Variants in CA10 observed in about 807,000 individuals in gnomAD.
The protein encoded by CA10 is carbonic anhydrase 10 (inactive).
A neutral mutation model predicts 44.2 loss-of-function variants in CA10; 14 were observed. That is an observed-to-expected ratio of 0.32 (90% CI 0.21 to 0.50). The LOEUF (loss-of-function observed/expected upper bound fraction) is 0.50. Ranked by LOEUF, CA10 falls within the 20% of genes least tolerant of loss-of-function variation. The pLI, the probability that CA10 is intolerant of heterozygous loss-of-function variation, is 0.99. For synonymous variants in CA10, 159 were observed against 141.6 expected (o/e 1.12, Z -0.87); for missense variants, 350 against 409.7 (o/e 0.85, Z 1.26).
chr17:51,857,483 A>G lies in CA10; in HGVS notation c.279+73507T>C, dbSNP rs145614669. ...AGTACTGTCATTAGCATAGCTCCTC[A>G]AGGTTACTCTTAGGAATCCTAAGCA... On this transcript the variant is annotated intron_variant, in intron 3 of 8. Coordinates refer to ENST00000451037, the MANE Select transcript of CA10 (RefSeq NM_020178.5). Among the ~76,000 whole-genome samples the G allele has an allele frequency of 2.7e-3, 411 of 152,280 alleles. 1 individual carries two copies. Among genetic ancestry groups the G allele is most frequent in the African/African-American group, 9.1e-3 (380 of 41,566 alleles).
intron 4 of CA10, among the ~76,000 whole-genome samples, chr17:51,718,351 A>T (rs1166138453): frequency 6.6e-6 from 1 of 152,184 alleles, no homozygotes; most frequent in Non-Finnish European, 1.5e-5. Flanking sequence ...GGAAGAAGAG[A>T]GAGGCCGAAG....
chr17:52,052,302 A>ATTTTT (rs1567716539), intron 2 of CA10, among the ~76,000 whole-genome samples: 1 of 74,938 alleles, frequency 1.3e-5, no homozygotes, highest in South Asian at 3.0e-4. Flanking sequence ...TTTTTTTTAA[A>ATTTTT]AAAAAAAAAA....
At position 52,042,669 on chromosome 17, in the gene CA10, T is replaced by A. The variant is rs1357452428; in HGVS notation, c.136+29650A>T. On this transcript the variant is annotated intron_variant, in intron 2 of 8. Transcript: ENST00000451037. ...TTTGATGTCATATTAAAAAAATCTT[T>A]GGCAAGACCAATATCAAGGAGCTTT... Among the ~76,000 whole-genome samples the A allele has an allele frequency of 1.3e-5, 2 of 152,008 alleles. 1 individual carries two copies. The highest frequency in any genetic ancestry group is 3.9e-4 in the East Asian group (2 of 5,138).
chr17:51,690,214 C>G (rs2143420827), intron 4 of CA10, among the ~76,000 whole-genome samples: 1 of 152,362 alleles, frequency 6.6e-6, no homozygotes, highest in Non-Finnish European at 1.5e-5. Flanking sequence ...TCCCAAAGTG[C>G]TGGGATTACA....
At chr17:51,980,137 A>AC (rs1984602836) in intron 2 of CA10, among the ~76,000 whole-genome samples, 1 of 151,968 alleles carries the variant, frequency 6.6e-6, no homozygotes, top group Non-Finnish European at 1.5e-5. Context: ...ACTAATTTAC[A>AC]CCCCCACCAA....
In CA10 at chr17:51,831,701, A is replaced by AGCGGCG. The variant is rs1567854601; in HGVS notation, c.280-83884_280-83883insCGCCGC. Reference sequence around the variant, plus strand: ...CAGCAGCAGCAGCAGCAGCAGCAGCAGCAGCAGCAGCAGCAGCAGCAGCAG... The same window carrying AGCGGCG: ...CAGCAGCAGCAGCAGCAGCAGCAGCAGCGGCGGCAGCAGCAGCAGCAGCAGCAGCAG... On this transcript the variant is annotated intron_variant, in intron 3 of 8. Coordinates refer to ENST00000451037, the MANE Select transcript of CA10 (RefSeq NM_020178.5). Among the ~76,000 whole-genome samples, 114 of 84,820 alleles carry AGCGGCG rather than the reference A, an allele frequency of 1.3e-3. 1 individual carries two copies. Among genetic ancestry groups the AGCGGCG allele is most frequent in the Admixed American group, 4.7e-3 (40 of 8,510 alleles). The allele number at this position is 84,820 out of a possible 152,430, so 55.6% of individuals were successfully genotyped here.
At chr17:52,111,782 T>G (rs979190429) in intron 1 of CA10, among the ~76,000 whole-genome samples, 4 of 152,210 alleles carry the variant, frequency 2.6e-5, no homozygotes, top group Admixed American at 6.5e-5. Context: ...CTCCTGGCTC[T>G]ACCTACATCT....
intron 2 of CA10, among the ~76,000 whole-genome samples, chr17:51,977,326 T>A (rs1984497945): frequency 6.6e-6 from 1 of 151,758 alleles, no homozygotes; most frequent in Admixed American, 6.6e-5. Flanking sequence ...ACACATTTTT[T>A]TAAAAAAAGG....
chr17:52,005,967 A>G (rs1358604200), intron 2 of CA10, among the ~76,000 whole-genome samples: 2 of 151,890 alleles, frequency 1.3e-5, no homozygotes, highest in Non-Finnish European at 2.9e-5. Flanking sequence ...GCCTTTATGT[A>G]TAAAAATTTC....
chr17:51,669,891 G>C (rs1914352992), intron 4 of CA10, among the ~76,000 whole-genome samples: 2 of 152,184 alleles, frequency 1.3e-5, no homozygotes, highest in Non-Finnish European at 2.9e-5. Flanking sequence ...ATCTTATCTT[G>C]AATTTTAGCT....
chr17:51,917,687 C>G (rs1310550715), intron 3 of CA10, among the ~76,000 whole-genome samples: 1 of 152,192 alleles, frequency 6.6e-6, no homozygotes, highest in East Asian at 1.9e-4. Context: ...ACAACTGGAC[C>G]TAGTGAGAAC....
chr17:51,924,566 G>C (rs148259151), intron 3 of CA10, among the ~76,000 whole-genome samples: 3 of 152,158 alleles, frequency 2.0e-5, no homozygotes, highest in African/African-American at 4.8e-5. Context: ...GGGCTTGGAG[G>C]CTGGCTTGCA....
At chr17:51,784,233 G>T (rs1331823809) in intron 3 of CA10, among the ~76,000 whole-genome samples, 1 of 152,140 alleles carries the variant, frequency 6.6e-6, no homozygotes, top group Non-Finnish European at 1.5e-5. Context: ...GCAAACCCAT[G>T]TATGTGGAGG....
intron 2 of CA10, among the ~76,000 whole-genome samples, chr17:51,958,685 G>T (rs1276198971): frequency 6.6e-6 from 1 of 152,124 alleles, no homozygotes; most frequent in Non-Finnish European, 1.5e-5. Flanking sequence ...ATATACCTTA[G>T]CAAGGCAGGC....
chr17:51,747,080 T>A (rs1904714228), intron 4 of CA10, among the ~76,000 whole-genome samples: 1 of 152,174 alleles, frequency 6.6e-6, no homozygotes, highest in Admixed American at 6.5e-5. Context: ...TAAATGAAAC[T>A]GTGGTTGGGC....
Position 51,740,845 on chromosome 17 carries a change from G to A in CA10, c.465+6788C>T, listed in dbSNP as rs1904426923. Among the ~76,000 whole-genome samples the A allele has an allele frequency of 2.0e-5, 3 of 152,064 alleles. No individual in the cohort carries two copies. In the South Asian group the frequency reaches 6.2e-4, roughly 32 times the overall value. On this transcript the variant is annotated intron_variant, in intron 4 of 8. Coordinates refer to ENST00000451037, the MANE Select transcript of CA10 (RefSeq NM_020178.5). Reference sequence around the variant, plus strand: ...TCACAAATGTCATCTTCTCACTGAGGCCTATACTGGCCACACTATTTAAAC... The same window carrying A: ...TCACAAATGTCATCTTCTCACTGAGACCTATACTGGCCACACTATTTAAAC...
Position 51,703,559 on chromosome 17 carries a change from G to A in CA10, c.465+44074C>T, listed in dbSNP as rs78551063. On this transcript the variant is annotated intron_variant, in intron 4 of 8. Transcript: ENST00000451037. ...AAATGAGAGGATGTGTGTCAAGGGT[G>A]TATTTTGGCAATAGTCTCTGAGCCA... Among the ~76,000 whole-genome samples, 1,040 of 152,194 alleles carry A rather than the reference G, an allele frequency of 6.8e-3. 15 individuals carry two copies. The highest frequency in any genetic ancestry group is 0.024 in the African/African-American group (1,003 of 41,538).
intron 4 of CA10, among the ~76,000 whole-genome samples, chr17:51,719,912 T>C (rs909937895): frequency 6.6e-6 from 1 of 152,028 alleles, no homozygotes; most frequent in African/African-American, 2.4e-5. Context: ...CAAAAAACTT[T>C]TGCAGCCTTT....
intron 3 of CA10, among the ~76,000 whole-genome samples, chr17:51,831,843 G>T (rs1598069354): frequency 6.6e-6 from 1 of 152,080 alleles, no homozygotes; most frequent in Non-Finnish European, 1.5e-5. Context: ...GGTTAGCTTA[G>T]ACCAACCATG....
Sources: allele counts gnomAD v4.1 joint callset (sites outside exome capture counted in the v4.1 genomes callset), GRCh38; gene constraint gnomAD v4.1.1; transcripts MANE v1.5; gene names NCBI Gene and HGNC (gene_info 2026-07-23, HGNC 2026-07-21).